Variants in SPTLC1 observed in about 807,000 individuals in gnomAD.
The protein encoded by SPTLC1 is serine palmitoyltransferase 1.
SPTLC1 carries 55 observed loss-of-function variants against 68.9 expected under a neutral mutation model. The observed-to-expected ratio is 0.80, with a 90% CI of 0.64 to 1.00. The LOEUF is 1.00. SPTLC1 is among the 50% of genes least tolerant of loss of function. The probability of loss-of-function intolerance (pLI) is 0.00; values close to 1 mark genes in which losing one functional copy is unlikely to be tolerated. For missense variants in SPTLC1, 449 were observed against 573.1 expected, an observed-to-expected ratio of 0.78 and a Z score of 2.21; for synonymous variants, 197 against 201.6, an observed-to-expected ratio of 0.98 and a Z score of 0.19.
chr9:92,050,175 G>A, intron 8 of SPTLC1, 108 bp from the exon 9 acceptor site: 1 of 744,506 alleles, frequency 1.3e-6, no homozygotes, highest in Non-Finnish European at 2.4e-6. Flanking sequence ...CTCAATACTT[G>A]TGAATTCTAT....
At chr9:92,064,995 T>C (rs1296627081) in intron 6 of SPTLC1, among the ~76,000 whole-genome samples, 1 of 152,244 alleles carries the variant, frequency 6.6e-6, no homozygotes, top group Non-Finnish European at 1.5e-5. Context: ...AGGATCCCTG[T>C]GGCGACAGAA....
chr9:92,055,105 G>T, intron 8 of SPTLC1: 1 of 445,972 alleles, frequency 2.2e-6, no homozygotes, highest in Non-Finnish European at 3.0e-6. Flanking sequence ...TGTGCCTGTA[G>T]TCCCAGCTAA....
chr9:92,110,036 T>C (rs1836167942), intron 2 of SPTLC1: 2 of 152,370 alleles, frequency 1.3e-5, no homozygotes, highest in Middle Eastern at 3.4e-3. Flanking sequence ...CACTTGATAT[T>C]GACACTTTGT....
intron 12 of SPTLC1, among the ~76,000 whole-genome samples, chr9:92,039,572 C>G (rs1427134959): frequency 2.0e-5 from 3 of 152,028 alleles, no homozygotes; most frequent in African/African-American, 7.2e-5. Flanking sequence ...GACCTACCTC[C>G]TAGGACACAA....
At chr9:92,101,510 C>A (rs1195221798) in intron 3 of SPTLC1, among the ~76,000 whole-genome samples, 3 of 133,888 alleles carry the variant, frequency 2.2e-5, no homozygotes, top group African/African-American at 8.5e-5. Context: ...TGCAGTGAGC[C>A]GAGATCGTGC....
At chr9:92,060,946 T>G (rs1291975990) in intron 6 of SPTLC1, among the ~76,000 whole-genome samples, 1 of 150,806 alleles carries the variant, frequency 6.6e-6, no homozygotes, top group Non-Finnish European at 1.5e-5. Context: ...AAGAAATCAT[T>G]CACTGAGCAC....
At chr9:92,108,659 C>G (rs115934100) in intron 3 of SPTLC1, 81 bp downstream of exon 3, 2 of 1,578,792 alleles carry the variant, frequency 1.3e-6, no homozygotes, top group Non-Finnish European at 8.7e-7. Context: ...AAAAAAAGGA[C>G]TACTACATAT....
intron 8 of SPTLC1, 133 bp downstream of exon 8, chr9:92,055,272 C>T (rs1833846841): frequency 2.6e-6 from 4 of 1,522,410 alleles, no homozygotes; most frequent in Non-Finnish European, 3.5e-6. Flanking sequence ...CTTCCCTGAT[C>T]TGAGCAAAAT....
intron 1 of SPTLC1, among the ~76,000 whole-genome samples, chr9:92,113,566 G>A (rs1165234158): frequency 6.6e-6 from 1 of 152,124 alleles, no homozygotes; most frequent in Non-Finnish European, 1.5e-5. Flanking sequence ...TTCAAAAAGG[G>A]AGCAAACAAC....
chr9:92,090,840 CAGA>C (rs1835336649), intron 3 of SPTLC1, among the ~76,000 whole-genome samples: 2 of 152,128 alleles, frequency 1.3e-5, no homozygotes, highest in East Asian at 3.9e-4. Context: ...CTGACAGGCC[CAGA>C]AGGAGACTCT....
At chr9:92,048,544 A>C (rs947965265) in intron 9 of SPTLC1, among the ~76,000 whole-genome samples, 5 of 152,156 alleles carry the variant, frequency 3.3e-5, no homozygotes, top group Admixed American at 3.3e-4. Flanking sequence ...AATCCCCATC[A>C]CCCAGATTCA....
chr9:92,106,463 A>C (rs1587616765), intron 3 of SPTLC1, among the ~76,000 whole-genome samples: 1 of 130,370 alleles, frequency 7.7e-6, no homozygotes. Flanking sequence ...ACAAAGCAAG[A>C]CTCCGTCTCA....
Position 92,083,827 on chromosome 9 carries a change from G to T in SPTLC1, c.261-2864C>A, listed in dbSNP as rs1267154806. Among the ~76,000 whole-genome samples, 266 of 151,838 alleles carry T rather than the reference G, an allele frequency of 1.8e-3. 1 individual carries two copies. Among genetic ancestry groups the T allele is most frequent in the African/African-American group, 5.9e-3 (242 of 41,190 alleles). ...ATGGCATTGAATCTATAAATTACCT[G>T]GGGAAGTATGGCCATTTTCACAATA... On this transcript the variant is annotated intron_variant, in intron 3 of 14. Transcript: ENST00000262554.
At chr9:92,049,448 G>C (rs1833631497) in intron 9 of SPTLC1, among the ~76,000 whole-genome samples, 1 of 152,060 alleles carries the variant, frequency 6.6e-6, no homozygotes, top group South Asian at 2.1e-4. Flanking sequence ...GGGACTTTAA[G>C]AGGTTTTGCT....
chr9:92,094,197 C>T (rs908333441), intron 3 of SPTLC1, among the ~76,000 whole-genome samples: 1 of 151,972 alleles, frequency 6.6e-6, no homozygotes, highest in East Asian at 1.9e-4. Context: ...TTTGGTTCAA[C>T]GAAAGATACC....
At chr9:92,066,259 G>C (rs1265096746) in intron 6 of SPTLC1, among the ~76,000 whole-genome samples, 1 of 152,184 alleles carries the variant, frequency 6.6e-6, no homozygotes, top group Non-Finnish European at 1.5e-5. Context: ...GTGTGGGAGG[G>C]AGGCTTGAGA....
chr9:92,049,972 G>C lies in SPTLC1; in HGVS notation c.876C>G (p.His292Gln), dbSNP rs771021842. Residue 292 changes from histidine (H) to glutamine (Q), a missense_variant, in exon 9 of 15, where the codon CAC becomes CAG. This residue lies in a region of SPTLC1 where 391 missense variants were observed against 472.1 expected (regional missense o/e 0.83). Transcript: ENST00000262554. ...AAGGGGAACTTACATTGATTCCATA[G>C]TGTTCAGTGACTCCTCGGCCATGCT... ...LGEHGRGVTE[H>Q]YGINIDDIDL... 45 of 1,608,100 alleles carry C rather than the reference G, an allele frequency of 2.8e-5. No individual in the cohort carries two copies. Among genetic ancestry groups the C allele is most frequent in the Non-Finnish European group, 3.7e-5 (44 of 1,174,616 alleles).
intron 3 of SPTLC1, among the ~76,000 whole-genome samples, chr9:92,087,725 C>T (rs370605468): frequency 6.6e-6 from 1 of 152,194 alleles, no homozygotes; most frequent in African/African-American, 2.4e-5. Flanking sequence ...GCAGTCTGCC[C>T]GTTCTCAGAT....
At chr9:92,058,707 A>C (rs966671258) in intron 7 of SPTLC1, among the ~76,000 whole-genome samples, 2 of 152,202 alleles carry the variant, frequency 1.3e-5, no homozygotes, top group African/African-American at 4.8e-5. Context: ...AGCAGGATAC[A>C]GGTGGGGTGG....
Sources: gnomAD v4.1 joint callset for allele counts (sites outside exome capture counted in the v4.1 genomes callset) on GRCh38, gnomAD v4.1.1 for gene constraint, gnomAD v4.1.1 regional missense constraint, MANE v1.5 for transcripts, NCBI Gene and HGNC (gene_info 2026-07-23, HGNC 2026-07-21) for gene names.